Variants in SAMD12 observed in about 807,000 individuals in gnomAD.
SAMD12 encodes sterile alpha motif domain-containing protein 12.
In SAMD12, 9 loss-of-function variants were observed where a neutral mutation model predicts 15.0. The observed-to-expected ratio is 0.60, with a 90% CI of 0.36 to 1.05. The LOEUF (loss-of-function observed/expected upper bound fraction) is 1.05. SAMD12 is among the 50% of genes least tolerant of loss of function. SAMD12 has a pLI of 0.01. For synonymous variants in SAMD12, 86 were observed against 90.1 expected (o/e 0.96, Z 0.25); for missense variants, 230 against 234.2 (o/e 0.98, Z 0.12).
intron 2 of SAMD12, among the ~76,000 whole-genome samples, chr8:118,440,707 C>G (rs1822729022): frequency 6.7e-6 from 1 of 149,140 alleles, no homozygotes. Context: ...AACACACACA[C>G]ACACACACAT....
intron 2 of SAMD12, among the ~76,000 whole-genome samples, chr8:118,557,119 G>T (rs952692305): frequency 6.6e-6 from 1 of 152,154 alleles, no homozygotes; most frequent in Non-Finnish European, 1.5e-5. Flanking sequence ...TGTAATGCCG[G>T]TAATCCCTAC....
At chr8:118,231,187 A>G (rs1322746764) in intron 4 of SAMD12, among the ~76,000 whole-genome samples, 3 of 152,094 alleles carry the variant, frequency 2.0e-5, no homozygotes, top group Non-Finnish European at 4.4e-5. Context: ...AAAATATTTG[A>G]ATTTCTTTCT....
At chr8:118,453,444 C>T (rs1823143278) in intron 2 of SAMD12, among the ~76,000 whole-genome samples, 1 of 152,010 alleles carries the variant, frequency 6.6e-6, no homozygotes, top group Admixed American at 6.6e-5. Flanking sequence ...TTTCATATGC[C>T]AGCAGTTGCT....
At chr8:118,260,445 A>C (rs545552135) in intron 4 of SAMD12, among the ~76,000 whole-genome samples, 1 of 152,208 alleles carries the variant, frequency 6.6e-6, no homozygotes, top group Non-Finnish European at 1.5e-5. Flanking sequence ...ATTAAAAAGT[A>C]TCTGCTTGTG....
chr8:118,188,823 T>C (rs1473843333), downstream of SAMD12, among the ~76,000 whole-genome samples: 1 of 151,592 alleles, frequency 6.6e-6, no homozygotes, highest in Admixed American at 6.6e-5. Context: ...TACATGGAGG[T>C]GTGTGGAGGG....
At chr8:118,352,630 G>A (rs1278075744) in intron 4 of SAMD12, among the ~76,000 whole-genome samples, 1 of 152,136 alleles carries the variant, frequency 6.6e-6, no homozygotes, top group East Asian at 1.9e-4. Flanking sequence ...GGTTGGTGGG[G>A]ATCTGAATTA....
chr8:118,176,278 G>A, the SAMD12 span, among the ~76,000 whole-genome samples: 1 of 152,068 alleles, frequency 6.6e-6, no homozygotes. Context: ...TCCAGCCTGG[G>A]AGACACAGCA....
the SAMD12 span, among the ~76,000 whole-genome samples, chr8:118,132,968 GTGTGTATATATA>G: frequency 1.8e-5 from 1 of 55,884 alleles, no homozygotes; most frequent in African/African-American, 1.0e-4. Flanking sequence ...ATATGTGTGT[GTGTGTATATATA>G]TATATATATA....
intron 4 of SAMD12, among the ~76,000 whole-genome samples, chr8:118,222,732 T>C (rs530848046): frequency 2.6e-5 from 4 of 152,240 alleles, no homozygotes; most frequent in African/African-American, 9.6e-5. Flanking sequence ...TTCAAACTCC[T>C]GACCTCAAGT....
At chr8:118,177,353 G>A in the SAMD12 span, among the ~76,000 whole-genome samples, 2 of 151,210 alleles carry the variant, frequency 1.3e-5, no homozygotes, top group African/African-American at 2.4e-5. Flanking sequence ...CCATCATCCT[G>A]TTTCAGCCTT....
intron 4 of SAMD12, among the ~76,000 whole-genome samples, chr8:118,280,248 T>C (rs1813585580): frequency 6.6e-6 from 1 of 152,220 alleles, no homozygotes; most frequent in Admixed American, 6.5e-5. Flanking sequence ...TTAGTCAAAA[T>C]ATTCTTTTTA....
At chr8:118,377,779 T>C (rs542105338), downstream of SAMD12, among the ~76,000 whole-genome samples, 41 of 152,270 alleles carry the variant, frequency 2.7e-4, no homozygotes, top group African/African-American at 9.6e-4. Context: ...ATGCGTCACA[T>C]GTGAGTTTAG....
At chr8:118,171,297 A>T in the SAMD12 span, among the ~76,000 whole-genome samples, 30 of 152,224 alleles carry the variant, frequency 2.0e-4, no homozygotes, top group African/African-American at 5.8e-4. Flanking sequence ...TATAGTTATC[A>T]TGTGACCCAG....
chr8:118,521,442 A>G (rs947234694), intron 2 of SAMD12, among the ~76,000 whole-genome samples: 10 of 152,128 alleles, frequency 6.6e-5, no homozygotes, highest in African/African-American at 1.7e-4. Flanking sequence ...TACATTTGAA[A>G]TCATTTCTCT....
chr8:118,409,009 CA>C (rs1483998681), intron 3 of SAMD12, among the ~76,000 whole-genome samples: 1 of 152,144 alleles, frequency 6.6e-6, no homozygotes, highest in Non-Finnish European at 1.5e-5. Context: ...AGCAATTCTC[CA>C]GTCTCAGCCT....
At chr8:118,517,770 G>C (rs1392517746) in intron 2 of SAMD12, among the ~76,000 whole-genome samples, 1 of 152,178 alleles carries the variant, frequency 6.6e-6, no homozygotes, top group African/African-American at 2.4e-5. Context: ...CTTTGCTTTT[G>C]AATGGGTGAG....
chr8:118,604,854 G>A (rs1827948068), intron 1 of SAMD12, among the ~76,000 whole-genome samples: 1 of 151,948 alleles, frequency 6.6e-6, no homozygotes, highest in South Asian at 2.1e-4. Flanking sequence ...CCCGGGGGAC[G>A]GAGCTTGCAG....
At chr8:118,174,535 G>A in the SAMD12 span, among the ~76,000 whole-genome samples, 1 of 152,062 alleles carries the variant, frequency 6.6e-6, no homozygotes, top group South Asian at 2.1e-4. Context: ...GGGAAAAAGT[G>A]GTTCATTTTA....
intron 2 of SAMD12, among the ~76,000 whole-genome samples, chr8:118,548,345 A>C (rs2131169586): frequency 6.6e-6 from 1 of 151,974 alleles, no homozygotes; most frequent in East Asian, 1.9e-4. Flanking sequence ...CTAATAACTT[A>C]CAATGTGTTC....
Sources: allele counts gnomAD v4.1 joint callset (sites outside exome capture counted in the v4.1 genomes callset), GRCh38; gene constraint gnomAD v4.1.1; transcripts MANE v1.5; gene names NCBI Gene and HGNC (gene_info 2026-07-23, HGNC 2026-07-21).